The following MIDEAS variants were observed in gnomAD, a reference collection of about 807,000 sequenced individuals.
MIDEAS encodes mitotic deacetylase-associated SANT domain protein.
MIDEAS carries 26 observed loss-of-function variants against 102.7 expected under a neutral mutation model. The observed-to-expected ratio is 0.25, with a 90% CI of 0.19 to 0.35. MIDEAS has a LOEUF of 0.35. MIDEAS is among the 10% of genes least tolerant of loss of function. MIDEAS has a pLI of 1.00. For synonymous variants in MIDEAS, 585 were observed against 591.0 expected, an observed-to-expected ratio of 0.99 and a Z score of 0.15; for missense variants, 1,231 against 1,435.6, an observed-to-expected ratio of 0.86 and a Z score of 2.30.
Position 73,760,286 on chromosome 14 carries a change from C to T in MIDEAS, c.-771G>A, listed in dbSNP as rs1404765709. The T allele has an allele frequency of 6.6e-6, 1 of 152,372 alleles. No individual in the cohort carries two copies. Among genetic ancestry groups the T allele is most frequent in the African/African-American group, 2.4e-5 (1 of 41,472 alleles). The allele number at this position is 152,372 out of a possible 1,614,324, so 9.4% of individuals were successfully genotyped here. A position where few individuals can be genotyped will look rare whatever the true frequency, so the allele number is the denominator to read the frequency against. ...GCACCGCGGCGAGCAGGAACCAGCTCTACCACTTCATCAGCACAACTGTCT... is the reference window on the plus strand; with the variant it reads ...GCACCGCGGCGAGCAGGAACCAGCTTTACCACTTCATCAGCACAACTGTCT... On this transcript the variant is annotated 5_prime_UTR_variant, in exon 1 of 13. It removes the in-frame stop codon of an upstream open reading frame in the 5' UTR. Coordinates refer to ENST00000423556, the MANE Select transcript of MIDEAS (RefSeq NM_001367710.1). This position sits in a 1 kb window ranked among gnomAD's most constrained non-coding sequence, Gnocchi z 4.8.
chr14:73,768,279 G>A (rs2053609208), intron 1 of MIDEAS, among the ~76,000 whole-genome samples: 1 of 152,104 alleles, frequency 6.6e-6, no homozygotes, highest in African/African-American at 2.4e-5. Context: ...GGAAGCTGAG[G>A]TTCAAGAAGG....
intron 7 of MIDEAS, 140 bp from the exon 8 acceptor site, chr14:73,726,248 T>A: frequency 1.3e-6 from 1 of 749,318 alleles, no homozygotes; most frequent in South Asian, 1.6e-5. Flanking sequence ...AGGGGTCCAC[T>A]GGGGTGGTGA....
chr14:73,727,643 G>C, intron 4 of MIDEAS, 119 bp from the exon 5 acceptor site: 1 of 941,374 alleles, frequency 1.1e-6, no homozygotes, highest in South Asian at 1.8e-5. Flanking sequence ...CTCACGCAGG[G>C]AACACAGGCA....
upstream of MIDEAS, among the ~76,000 whole-genome samples, chr14:73,788,270 C>T (rs191144743): frequency 6.6e-6 from 1 of 152,176 alleles, no homozygotes; most frequent in South Asian, 2.1e-4. Context: ...GGTTCAAAAG[C>T]ATCAGTTAGG....
intron 11 of MIDEAS, 105 bp from the exon 12 acceptor site, chr14:73,719,606 C>G: frequency 8.6e-7 from 1 of 1,156,968 alleles, no homozygotes; most frequent in Non-Finnish European, 1.2e-6. Flanking sequence ...TATATTCCTG[C>G]CAAACAGTCA....
At chr14:73,757,959 G>C (rs2053505622) in intron 1 of MIDEAS, among the ~76,000 whole-genome samples, 1 of 152,194 alleles carries the variant, frequency 6.6e-6, no homozygotes, top group African/African-American at 2.4e-5. Context: ...CGGGAGTGGG[G>C]GTTCTGCTGG....
At chr14:73,786,766 G>A (rs528403706) in intron 1 of MIDEAS, among the ~76,000 whole-genome samples, 16 of 152,338 alleles carry the variant, frequency 1.1e-4, no homozygotes, top group Middle Eastern at 3.4e-3. Flanking sequence ...CGCCCAGCCT[G>A]CAGGGATGGA....
At chr14:73,730,242 A>G (rs949143225) in intron 3 of MIDEAS, 1 of 647,498 alleles carries the variant, frequency 1.5e-6, no homozygotes, top group African/African-American at 1.8e-5. Context: ...TCTGTTACAT[A>G]TTCCTCTTCT....
chr14:73,773,733 AAGAG>A (rs1274578055), intron 1 of MIDEAS, among the ~76,000 whole-genome samples: 1 of 151,910 alleles, frequency 6.6e-6, no homozygotes, highest in Non-Finnish European at 1.5e-5. Context: ...TCTTTAAAGA[AAGAG>A]AGAGGCCAGG....
intron 10 of MIDEAS, 118 bp downstream of exon 10, chr14:73,722,580 T>C (rs2053009529): frequency 7.9e-7 from 1 of 1,262,786 alleles, no homozygotes; most frequent in South Asian, 1.4e-5. Flanking sequence ...TCAGGGACAC[T>C]GTCTTCCTCA....
intron 1 of MIDEAS, among the ~76,000 whole-genome samples, chr14:73,749,288 T>G (rs752516039): frequency 6.6e-5 from 7 of 106,754 alleles, no homozygotes; most frequent in Non-Finnish European, 1.2e-4. Context: ...ATCCCAAAAT[T>G]TTGGGAGGCC....
At chr14:73,735,653 G>A (rs1178356435) in intron 3 of MIDEAS, among the ~76,000 whole-genome samples, 4 of 152,238 alleles carry the variant, frequency 2.6e-5, no homozygotes, top group Admixed American at 2.6e-4. Flanking sequence ...GGGAGAAGAT[G>A]CACCCTGCAG....
intron 1 of MIDEAS, among the ~76,000 whole-genome samples, chr14:73,775,881 GC>G (rs1162748308): frequency 6.6e-6 from 1 of 151,892 alleles, no homozygotes; most frequent in Non-Finnish European, 1.5e-5. Context: ...GATGCTGACA[GC>G]CCCAGGCAAA....
intron 1 of MIDEAS, chr14:73,758,873 C>CCTT: frequency 6.5e-6 from 1 of 154,554 alleles, no homozygotes; most frequent in South Asian, 2.0e-4. Context: ...CTCCCCTAGA[C>CCTT]CTTTACCCAG....
intron 1 of MIDEAS, among the ~76,000 whole-genome samples, chr14:73,753,107 A>C (rs2053440469): frequency 6.6e-6 from 1 of 152,182 alleles, no homozygotes; most frequent in Non-Finnish European, 1.5e-5. Flanking sequence ...GCTGAAACCA[A>C]GCCTTTCCCC....
chr14:73,723,925 G>A (rs1033359746), intron 9 of MIDEAS: 1 of 152,198 alleles, frequency 6.6e-6, no homozygotes, highest in African/African-American at 2.4e-5. Flanking sequence ...CCCTGTCGGG[G>A]GAGGAACTCA....
chr14:73,761,057 C>T (rs1365902826), upstream of MIDEAS, among the ~76,000 whole-genome samples: 21 of 152,072 alleles, frequency 1.4e-4, no homozygotes, highest in Admixed American at 1.4e-3. Flanking sequence ...TCCTATTCTT[C>T]CTTCCAAGTT....
intron 1 of MIDEAS, among the ~76,000 whole-genome samples, chr14:73,780,169 C>T (rs1229452929): frequency 2.6e-4 from 38 of 148,866 alleles, no homozygotes; most frequent in Non-Finnish European, 3.6e-4. Flanking sequence ...CCACCGCGCC[C>T]GGCCGATTAT....
intron 1 of MIDEAS, among the ~76,000 whole-genome samples, chr14:73,772,587 G>T (rs1207678217): frequency 2.0e-5 from 3 of 149,820 alleles, no homozygotes; most frequent in South Asian, 2.1e-4. Flanking sequence ...TTTTGGTTTT[G>T]TTTTTTTTTC....
Sources: gnomAD v4.1 joint callset for allele counts (sites outside exome capture counted in the v4.1 genomes callset) on GRCh38, gnomAD v4.1.1 for gene constraint, Gnocchi (gnomAD v3.1) non-coding constraint, MANE v1.5 for transcripts, NCBI Gene and HGNC (gene_info 2026-07-23, HGNC 2026-07-21) for gene names.